ADAMTS18: variants seen among roughly 807,000 people sequenced by gnomAD.
ADAMTS18 encodes the protein A disintegrin and metalloproteinase with thrombospondin motifs 18.
In ADAMTS18, 157 loss-of-function variants were observed where a neutral mutation model predicts 165.9. The ratio of observed to expected loss-of-function variants is 0.95; its 90% CI spans 0.83 to 1.08. The LOEUF is 1.08. ADAMTS18 is among the 50% of genes least tolerant of loss of function. The pLI, the probability that ADAMTS18 is intolerant of heterozygous loss-of-function variation, is 0.00. For synonymous variants in ADAMTS18, 782 were observed against 578.2 expected (o/e 1.35, Z -5.06); for missense variants, 2,040 against 1,534.0 (o/e 1.33, Z -5.51).
intron 3 of ADAMTS18, among the ~76,000 whole-genome samples, chr16:77,423,939 C>T (rs913538771): frequency 6.6e-6 from 1 of 152,178 alleles, no homozygotes; most frequent in African/African-American, 2.4e-5. Flanking sequence ...TGGGTGACTT[C>T]AATGGCCATT....
At chr16:77,407,740 G>A (rs2057411049) in intron 3 of ADAMTS18, among the ~76,000 whole-genome samples, 1 of 151,990 alleles carries the variant, frequency 6.6e-6, no homozygotes, top group African/African-American at 2.4e-5. Flanking sequence ...CCAATTGGGA[G>A]AAAATGGTAG....
At chr16:77,409,592 T>G (rs1394855676) in intron 3 of ADAMTS18, among the ~76,000 whole-genome samples, 2 of 152,174 alleles carry the variant, frequency 1.3e-5, no homozygotes, top group Admixed American at 6.6e-5. Flanking sequence ...TGTGCTCTGT[T>G]CGGGGCTTGA....
At chr16:77,377,740 C>A (rs2056973177) in intron 3 of ADAMTS18, among the ~76,000 whole-genome samples, 1 of 152,146 alleles carries the variant, frequency 6.6e-6, no homozygotes, top group African/African-American at 2.4e-5. Flanking sequence ...AATGCTCTTA[C>A]CTCAGTCAAG....
At chr16:77,420,736 AT>A (rs2057591115) in intron 3 of ADAMTS18, among the ~76,000 whole-genome samples, 1 of 152,184 alleles carries the variant, frequency 6.6e-6, no homozygotes, top group African/African-American at 2.4e-5. Context: ...TTGTGGTAAT[AT>A]TTTTTTCCCA....
At chr16:77,391,383 C>T (rs1302420364) in intron 3 of ADAMTS18, among the ~76,000 whole-genome samples, 6 of 151,438 alleles carry the variant, frequency 4.0e-5, no homozygotes, top group South Asian at 2.1e-4. Context: ...CCCAGCTACT[C>T]GGAAGGCTGA....
chr16:77,434,376 G>T, intron 2 of ADAMTS18, 42 bp downstream of exon 2: 1 of 1,540,904 alleles, frequency 6.5e-7, no homozygotes, highest in Non-Finnish European at 8.7e-7. Flanking sequence ...GGGTCAAAGT[G>T]CTGCGAAAGG....
intron 4 of ADAMTS18, 134 bp downstream of exon 4, chr16:77,367,307 T>C: frequency 1.1e-6 from 1 of 918,872 alleles, no homozygotes; most frequent in East Asian, 2.6e-5. Context: ...AGAGAGATAA[T>C]TACTGGTCCT....
chr16:77,320,421 C>G (rs1304278606), intron 15 of ADAMTS18, among the ~76,000 whole-genome samples: 2 of 152,080 alleles, frequency 1.3e-5, no homozygotes, highest in Admixed American at 1.3e-4. Context: ...GGCGGATCAC[C>G]CAAGGTCAGG....
intron 21 of ADAMTS18, 178 bp from the exon 22 acceptor site, chr16:77,289,589 T>TA: frequency 1.4e-6 from 1 of 718,182 alleles, no homozygotes; most frequent in Admixed American, 2.4e-5. Flanking sequence ...TGTGATCCCT[T>TA]TGATCTGATT....
chr16:77,390,869 G>C (rs976621683), intron 3 of ADAMTS18, among the ~76,000 whole-genome samples: 1 of 152,074 alleles, frequency 6.6e-6, no homozygotes, highest in Non-Finnish European at 1.5e-5. Context: ...AGTTATACTA[G>C]GCATATTTCA....
chr16:77,336,780 T>A (rs1464209220), intron 11 of ADAMTS18, among the ~76,000 whole-genome samples: 2 of 152,204 alleles, frequency 1.3e-5, no homozygotes, highest in African/African-American at 4.8e-5. Context: ...TGTTTTTGTT[T>A]TATTTTTTGT....
chr16:77,329,030 G>A (rs1037772495), intron 12 of ADAMTS18, among the ~76,000 whole-genome samples: 21 of 152,136 alleles, frequency 1.4e-4, no homozygotes, highest in African/African-American at 4.8e-4. Flanking sequence ...CATGGGGCCG[G>A]GTATGGAAAG....
At chr16:77,381,085 G>T (rs1338029399) in intron 3 of ADAMTS18, among the ~76,000 whole-genome samples, 1 of 152,030 alleles carries the variant, frequency 6.6e-6, no homozygotes, top group Non-Finnish European at 1.5e-5. Context: ...TGTTGGTCAG[G>T]CTGGTCTCAA....
chr16:77,284,809 T>A (rs980003168), intron 22 of ADAMTS18, among the ~76,000 whole-genome samples: 6 of 152,072 alleles, frequency 3.9e-5, no homozygotes, highest in Non-Finnish European at 5.9e-5. Context: ...TGAGAAGGGC[T>A]GTCAGAGGGG....
intron 19 of ADAMTS18, among the ~76,000 whole-genome samples, chr16:77,294,394 A>G (rs1423966527): frequency 2.0e-5 from 3 of 152,160 alleles, no homozygotes; most frequent in Non-Finnish European, 4.4e-5. Flanking sequence ...CCCACGGTTG[A>G]GAACCTTTGC....
chr16:77,396,735 G>A (rs2057262239), intron 3 of ADAMTS18, among the ~76,000 whole-genome samples: 1 of 151,778 alleles, frequency 6.6e-6, no homozygotes. Flanking sequence ...CATTACTGTT[G>A]TCAGAGAGCT....
rs61412792 is a variant in ADAMTS18, at chr16:77,333,492, C to CAAA, written c.1859+2261_1859+2263dup. 1.6e-3 allele frequency among the ~76,000 whole-genome samples: 227 copies of CAAA among 141,364 alleles called. 3 individuals carry two copies. Among genetic ancestry groups the CAAA allele is most frequent in the African/African-American group, 3.8e-3 (147 of 38,480 alleles). 92.7% of individuals were successfully genotyped at this position (141,364 alleles called of 152,430 possible). Reference sequence around the variant, plus strand: ...AAAATAATAATGAAAAAAGAAATACCAAAAAAAAAAAAATAAAACAGTGTG... The same window carrying CAAA: ...AAAATAATAATGAAAAAAGAAATACCAAAAAAAAAAAAAAAATAAAACAGTGTG... On this transcript the variant is annotated intron_variant, in intron 12 of 22. Coordinates refer to ENST00000282849, the MANE Select transcript of ADAMTS18 (RefSeq NM_199355.4).
At chr16:77,320,125 C>A in intron 15 of ADAMTS18, 32 bp from the exon 16 acceptor site, 1 of 1,613,622 alleles carries the variant, frequency 6.2e-7, no homozygotes, top group South Asian at 1.1e-5. Flanking sequence ...TGTCTGAATT[C>A]CACCCCATGC....
At position 77,295,134 on chromosome 16, in the gene ADAMTS18, G is replaced by A. The variant is rs757526473; in HGVS notation, c.2802-7C>T. 6.2e-6 allele frequency: 10 copies of A among 1,614,078 alleles called. No individual in the cohort carries two copies. In the South Asian group the frequency reaches 8.8e-5, roughly 14 times the overall value. On this transcript the variant is annotated splice_polypyrimidine_tract_variant and splice_region_variant and intron_variant, in intron 18 of 22. Transcript: ENST00000282849. ...CCATTCACCTGGCATCCAGCTTTCA[G>A]TGCAAAACAAACATTACCAATGAAG...
Sources: allele counts gnomAD v4.1 joint callset (sites outside exome capture counted in the v4.1 genomes callset), GRCh38; gene constraint gnomAD v4.1.1; transcripts MANE v1.5; gene names NCBI Gene and HGNC (gene_info 2026-07-23, HGNC 2026-07-21).